Variants in MAD1L1 observed in about 807,000 individuals in gnomAD.
MAD1L1 encodes the protein mitotic spindle assembly checkpoint protein MAD1.
MAD1L1 carries 95 observed loss-of-function variants against 96.9 expected under a neutral mutation model. That is an observed-to-expected ratio of 0.98 (90% CI 0.83 to 1.16). The LOEUF (loss-of-function observed/expected upper bound fraction) is 1.16, where lower values mean the gene tolerates loss of function less well. MAD1L1 is among the 50% of genes most tolerant of loss of function. The pLI is 0.00. For synonymous variants in MAD1L1, 473 were observed against 396.6 expected, an observed-to-expected ratio of 1.19 and a Z score of -2.29; for missense variants, 1,007 against 954.4, an observed-to-expected ratio of 1.06 and a Z score of -0.73.
At chr7:2,001,720 A>C (rs532921145) in intron 14 of MAD1L1, among the ~76,000 whole-genome samples, 29 of 152,350 alleles carry the variant, frequency 1.9e-4, no homozygotes, top group African/African-American at 6.0e-4. Flanking sequence ...ATGAAGCCAC[A>C]GCACTGATGT....
At chr7:2,004,300 G>A (rs537023321) in intron 13 of MAD1L1, among the ~76,000 whole-genome samples, 1 of 152,144 alleles carries the variant, frequency 6.6e-6, no homozygotes, top group South Asian at 2.1e-4. Context: ...AGATGCACCC[G>A]TTAGAGCCAC....
At chr7:2,055,165 A>G (rs1784337678) in intron 12 of MAD1L1, among the ~76,000 whole-genome samples, 1 of 152,230 alleles carries the variant, frequency 6.6e-6, no homozygotes, top group Non-Finnish European at 1.5e-5. Context: ...CGACAGCACC[A>G]GGCAGAGGCA....
chr7:2,132,323 T>A (rs1788548295), intron 11 of MAD1L1, among the ~76,000 whole-genome samples: 1 of 152,194 alleles, frequency 6.6e-6, no homozygotes, highest in African/African-American at 2.4e-5. Flanking sequence ...TGGGCTCACT[T>A]GTCATGTCTT....
intron 18 of MAD1L1, chr7:1,854,222 C>A (rs899715807): frequency 2.9e-6 from 1 of 341,384 alleles, no homozygotes; most frequent in Non-Finnish European, 5.8e-6. Context: ...ACAGGCCGCA[C>A]CCACCATGGC....
intron 12 of MAD1L1, 78 bp from the exon 13 acceptor site, chr7:2,014,720 C>T (rs1782457988): frequency 1.4e-6 from 2 of 1,473,498 alleles, no homozygotes; most frequent in Non-Finnish European, 1.8e-6. Context: ...GGGAAGGCCC[C>T]ACGAGAGCTG....
intron 18 of MAD1L1, among the ~76,000 whole-genome samples, chr7:1,850,762 G>A (rs143792191): frequency 2.7e-4 from 41 of 152,330 alleles, no homozygotes; most frequent in Non-Finnish European, 4.3e-4. Context: ...CCAGCCACTG[G>A]TGACAGCAGT....
chr7:2,069,410 C>T, intron 11 of MAD1L1, 72 bp from the exon 12 acceptor site: 1 of 1,405,792 alleles, frequency 7.1e-7, no homozygotes, highest in Non-Finnish European at 9.3e-7. Flanking sequence ...CGCCCCACCC[C>T]AGGAACGAGC....
At chr7:1,990,551 T>C (rs965277691) in intron 14 of MAD1L1, among the ~76,000 whole-genome samples, 2 of 152,164 alleles carry the variant, frequency 1.3e-5, no homozygotes, top group African/African-American at 4.8e-5. Flanking sequence ...GGAAATGCTT[T>C]CTCCTCAGAA....
intron 11 of MAD1L1, among the ~76,000 whole-genome samples, chr7:2,074,024 G>C (rs1358490055): frequency 9.2e-5 from 14 of 152,190 alleles, no homozygotes; most frequent in Admixed American, 9.2e-4. Flanking sequence ...GTGACAAGGA[G>C]ACGACACTGT....
intron 9 of MAD1L1, among the ~76,000 whole-genome samples, chr7:2,215,363 C>A (rs140526853): frequency 1.7e-5 from 2 of 120,336 alleles, no homozygotes; most frequent in African/African-American, 3.5e-5. Context: ...GGGGACAGGG[C>A]GAGACTCCAT....
At chr7:1,864,324 C>G (rs1184321368) in intron 18 of MAD1L1, among the ~76,000 whole-genome samples, 4 of 152,252 alleles carry the variant, frequency 2.6e-5, no homozygotes, top group South Asian at 4.1e-4. Context: ...CCCTGCAGGG[C>G]AGACCCGGGG....
intron 12 of MAD1L1, among the ~76,000 whole-genome samples, chr7:2,016,915 C>G (rs934616785): frequency 2.6e-5 from 4 of 152,262 alleles, no homozygotes; most frequent in Non-Finnish European, 4.4e-5. Context: ...AGCCAGTTAC[C>G]GGAGTTGTCA....
chr7:1,983,312 T>C (rs1013243675), intron 14 of MAD1L1, among the ~76,000 whole-genome samples: 37 of 152,352 alleles, frequency 2.4e-4, no homozygotes, highest in African/African-American at 7.9e-4. Context: ...GAAGATCTGG[T>C]AGAATTTTCC....
chr7:2,167,337 G>C (rs1251875322), intron 10 of MAD1L1, among the ~76,000 whole-genome samples: 1 of 151,042 alleles, frequency 6.6e-6, no homozygotes, highest in East Asian at 2.0e-4. Context: ...CACGAGCTCA[G>C]GAGATAGAGA....
chr7:1,906,196 G>A (rs570694603), intron 17 of MAD1L1, among the ~76,000 whole-genome samples: 11 of 152,234 alleles, frequency 7.2e-5, no homozygotes, highest in South Asian at 4.2e-4. Context: ...AGGAAGAGAC[G>A]CCAGCCCTGG....
chr7:1,862,713 TTATTAGCTTCAATAGGCCCAGTGAAAAAG>T (rs1202570933), intron 18 of MAD1L1, among the ~76,000 whole-genome samples: 40 of 152,240 alleles, frequency 2.6e-4, no homozygotes, highest in African/African-American at 8.9e-4. Context: ...CCAACTTTCC[TTATTAGCTTCAATAGGCCCAGTGAAAAAG>T]GAAGCTTTAC....
intron 11 of MAD1L1, among the ~76,000 whole-genome samples, chr7:2,093,552 G>C (rs1374005870): frequency 1.3e-5 from 2 of 152,222 alleles, no homozygotes; most frequent in African/African-American, 4.8e-5. Context: ...GAATCAAAGT[G>C]TGTTGCTTTT....
rs770615416 is a variant in MAD1L1, at chr7:2,230,151, GGACA to G, written c.-10-12_-10-9del. ...TCTTCCATGGTTGCTTTCCTTCCGG[GGACA>G]GACAAAGGACTGGTCAGGGGCAGCC... On this transcript the variant is annotated splice_polypyrimidine_tract_variant and intron_variant, in intron 2 of 18. Transcript: ENST00000265854. 1.3e-6 allele frequency: 2 copies of G among 1,575,824 alleles called. No individual in the cohort carries two copies. Among genetic ancestry groups the G allele is most frequent in the East Asian group, 2.3e-5 (1 of 43,074 alleles).
At chr7:1,999,243 C>T (rs1781687451) in intron 14 of MAD1L1, among the ~76,000 whole-genome samples, 1 of 152,218 alleles carries the variant, frequency 6.6e-6, no homozygotes, top group African/African-American at 2.4e-5. Context: ...GGAAAATAAA[C>T]AAAACAACAA....
Sources: gnomAD v4.1 joint callset for allele counts (sites outside exome capture counted in the v4.1 genomes callset) on GRCh38, gnomAD v4.1.1 for gene constraint, MANE v1.5 for transcripts, NCBI Gene and HGNC (gene_info 2026-07-23, HGNC 2026-07-21) for gene names.